The following SHTN1 variants were observed in gnomAD, a reference collection of about 807,000 sequenced individuals.
SHTN1 encodes the protein shootin 1.
A neutral mutation model predicts 83.1 loss-of-function variants in SHTN1; 42 were observed. That is an observed-to-expected ratio of 0.51 (90% CI 0.39 to 0.65). The LOEUF is 0.65. Among genes scored for constraint, SHTN1 ranks in the 30% least tolerant of loss-of-function variants. The pLI is 0.00. For missense variants in SHTN1, 622 were observed against 737.8 expected (o/e 0.84, Z 1.82); for synonymous variants, 224 against 247.7 (o/e 0.90, Z 0.90).
At position 117,005,050 on chromosome 10, in the gene SHTN1, C is replaced by T. The variant is rs549235313; in HGVS notation, c.30G>A (p.Leu10=). MNSSDEEKQ[L]QLITSLKEQA... ...GCTCCTTCAGACTGGTAATGAGCTG[C>T]AGCTGCTTCTCTTCGTCCGAGCTGT... Residue 10 remains leucine (L), a synonymous_variant, in exon 1 of 17, where the codon CTG becomes CTA. Transcript: ENST00000355371. 214 of 1,599,464 alleles carry T rather than the reference C, an allele frequency of 1.3e-4. 4 individuals are homozygous for T. In the South Asian group the frequency reaches 2.2e-3, roughly 17 times the overall value.
intron 1 of SHTN1, among the ~76,000 whole-genome samples, chr10:117,051,030 C>G (rs143333361): frequency 1.1e-3 from 167 of 152,228 alleles, no homozygotes; most frequent in African/African-American, 3.9e-3. Context: ...GCACTACAGT[C>G]TGGGTGACAG....
intron 4 of SHTN1, 63 bp downstream of exon 4, chr10:116,960,073 C>T (rs76738053): frequency 0.074 from 72,313 of 975,454 alleles, 3,141 homozygotes; most frequent in Non-Finnish European, 0.096. Context: ...ATAGAAGCCA[C>T]TGCTTAGAAA....
chr10:116,963,835 G>T lies in SHTN1; in HGVS notation c.173-3605C>A, dbSNP rs547949864. Among the ~76,000 whole-genome samples, 28 of 152,236 alleles carry T rather than the reference G, an allele frequency of 1.8e-4. No homozygotes were observed. The South Asian group carries it at 3.1e-3, about 17-fold the overall frequency. ...AAATTTTAATGACCCTGAGAACATA[G>T]AAGTATAACATAAAAGTACATCAAG... On this transcript the variant is annotated intron_variant, in intron 3 of 16. Transcript: ENST00000355371.
At chr10:116,900,588 A>G in intron 16 of SHTN1, 1 of 1,531,854 alleles carries the variant, frequency 6.5e-7, no homozygotes, top group African/African-American at 1.4e-5. Flanking sequence ...ACACTGAAGC[A>G]TTTATCAGAA....
chr10:117,090,707 G>A (rs1285376745), intron 1 of SHTN1, among the ~76,000 whole-genome samples: 8 of 149,678 alleles, frequency 5.3e-5, no homozygotes, highest in Non-Finnish European at 8.9e-5. Flanking sequence ...TTTAAAATCC[G>A]CCCCGTCCTC....
At chr10:116,946,451 G>T (rs1314587597) in intron 7 of SHTN1, among the ~76,000 whole-genome samples, 3 of 141,182 alleles carry the variant, frequency 2.1e-5, no homozygotes, top group African/African-American at 5.2e-5. Flanking sequence ...TATAAATTAT[G>T]TATATGTATA....
chr10:117,122,725 A>G (rs1853949383), intron 1 of SHTN1, among the ~76,000 whole-genome samples: 1 of 152,234 alleles, frequency 6.6e-6, no homozygotes, highest in African/African-American at 2.4e-5. Flanking sequence ...CAAATGTTAA[A>G]TTGTCTACTA....
intron 1 of SHTN1, among the ~76,000 whole-genome samples, chr10:116,980,725 C>T (rs1012494440): frequency 6.6e-6 from 1 of 152,106 alleles, no homozygotes; most frequent in African/African-American, 2.4e-5. Context: ...ACCACTAGGG[C>T]AAAGAACACC....
At chr10:117,124,150 G>A (rs1476919693) in intron 1 of SHTN1, among the ~76,000 whole-genome samples, 2 of 150,938 alleles carry the variant, frequency 1.3e-5, no homozygotes, top group African/African-American at 4.9e-5. Flanking sequence ...GGTTGAAGCT[G>A]CAGTGAGCCA....
chr10:117,074,581 C>A (rs2078621051), intron 1 of SHTN1, among the ~76,000 whole-genome samples: 1 of 152,194 alleles, frequency 6.6e-6, no homozygotes, highest in African/African-American at 2.4e-5. Context: ...AATTTTAGAT[C>A]CTCTCTTGTA....
At chr10:116,961,191 T>C (rs1415706141) in intron 3 of SHTN1, among the ~76,000 whole-genome samples, 1 of 151,964 alleles carries the variant, frequency 6.6e-6, no homozygotes, top group Admixed American at 6.6e-5. Context: ...TGGGCTCACA[T>C]AACACAAAGA....
At chr10:116,894,740 G>GA (rs1311900822) in intron 16 of SHTN1, among the ~76,000 whole-genome samples, 18 of 152,196 alleles carry the variant, frequency 1.2e-4, no homozygotes, top group African/African-American at 4.3e-4. Context: ...CAACTGTTAG[G>GA]AGGATATTCA....
In SHTN1 at chr10:116,954,166, G is replaced by A; in HGVS notation, c.312C>T (p.Tyr104=). The change falls in exon 5 of 17, where the codon TAC becomes TAT. Residue 104 remains tyrosine (Y), a synonymous_variant. Coordinates refer to ENST00000355371, the MANE Select transcript of SHTN1 (RefSeq NM_001127211.3). ...NKTLKRISML[Y]MAKLGPDVIT... Reference sequence around the variant, plus strand: ...TTACATCTGGTCCCAGCTTGGCCATGTACAACATGCTGATTCTTTTCAACG... The same window carrying A: ...TTACATCTGGTCCCAGCTTGGCCATATACAACATGCTGATTCTTTTCAACG... 6.2e-7 allele frequency: 1 copy of A among 1,612,612 alleles called. No individual in the cohort carries two copies. Among genetic ancestry groups the A allele is most frequent in the Non-Finnish European group, 8.5e-7 (1 of 1,179,194 alleles).
intron 3 of SHTN1, among the ~76,000 whole-genome samples, chr10:116,961,546 T>C (rs1165422752): frequency 6.6e-6 from 1 of 151,888 alleles, no homozygotes; most frequent in Non-Finnish European, 1.5e-5. Context: ...AGCACGATAC[T>C]TGCATTATCA....
In SHTN1 at chr10:116,986,832, G is replaced by A. The variant is rs529923833; in HGVS notation, c.59-7524C>T. Among the ~76,000 whole-genome samples, 559 of 147,426 alleles carry A rather than the reference G, an allele frequency of 3.8e-3. 2 individuals carry two copies. The highest frequency in any genetic ancestry group is 4.3e-3 in the Non-Finnish European group (288 of 67,588). On this transcript the variant is annotated intron_variant, in intron 1 of 16. Transcript: ENST00000355371. Reference sequence around the variant, plus strand: ...CAACTTCTGCCTTCCGGGTTCAAGCGATTCTCCTGCCTCAGCCTCCTGAGT... The same window carrying A: ...CAACTTCTGCCTTCCGGGTTCAAGCAATTCTCCTGCCTCAGCCTCCTGAGT...
At chr10:116,963,316 C>A (rs2133447155) in intron 3 of SHTN1, among the ~76,000 whole-genome samples, 1 of 151,192 alleles carries the variant, frequency 6.6e-6, no homozygotes, top group Non-Finnish European at 1.5e-5. Context: ...TCGTGATCCG[C>A]CCGCCTCGGC....
At chr10:116,915,796 A>C (rs1770313521) in intron 12 of SHTN1, among the ~76,000 whole-genome samples, 1 of 152,224 alleles carries the variant, frequency 6.6e-6, no homozygotes, top group African/African-American at 2.4e-5. Context: ...AGGTCTTTAA[A>C]ATCCCAACTT....
At chr10:117,031,881 C>T (rs779025401) in intron 2 of SHTN1, among the ~76,000 whole-genome samples, 28 of 152,054 alleles carry the variant, frequency 1.8e-4, no homozygotes, top group Admixed American at 9.8e-4. Context: ...AATAACAAAA[C>T]GGCAGGAGTA....
intron 3 of SHTN1, among the ~76,000 whole-genome samples, chr10:116,961,848 A>G (rs1039685795): frequency 2.6e-5 from 4 of 152,224 alleles, no homozygotes; most frequent in South Asian, 2.1e-4. Flanking sequence ...GACAGTGATT[A>G]TAACTGTGGA....
Sources: gnomAD v4.1 joint callset for allele counts (sites outside exome capture counted in the v4.1 genomes callset) on GRCh38, gnomAD v4.1.1 for gene constraint, MANE v1.5 for transcripts, NCBI Gene and HGNC (gene_info 2026-07-23, HGNC 2026-07-21) for gene names.